The following SOX5 variants were observed in gnomAD, a reference collection of about 807,000 sequenced individuals.
The protein encoded by SOX5 is transcription factor SOX-5.
Under a neutral mutation model 92.0 loss-of-function variants are expected in SOX5, and 9 were observed. The observed-to-expected ratio is 0.10, with a 90% CI of 0.06 to 0.17. The LOEUF is 0.17. Ranked by LOEUF, SOX5 falls within the 10% of genes least tolerant of loss-of-function variation. The pLI is 1.00. For missense variants in SOX5, 642 were observed against 944.5 expected (o/e 0.68, Z 4.20); for synonymous variants, 344 against 336.3 (o/e 1.02, Z -0.25).
chr12:24,484,011 C>T (rs1158506784), intron 1 of SOX5, among the ~76,000 whole-genome samples: 1 of 152,120 alleles, frequency 6.6e-6, no homozygotes, highest in African/African-American at 2.4e-5. Flanking sequence ...GTATATGCTG[C>T]TGACTTAAAA....
At chr12:23,718,993 T>C (rs2092664822) in intron 6 of SOX5, among the ~76,000 whole-genome samples, 2 of 152,188 alleles carry the variant, frequency 1.3e-5, no homozygotes, top group Admixed American at 1.3e-4. Flanking sequence ...CAGAAGCCAT[T>C]AAAAATCTCA....
At chr12:23,898,190 G>A (rs546270906) in intron 1 of SOX5, among the ~76,000 whole-genome samples, 1 of 152,294 alleles carries the variant, frequency 6.6e-6, no homozygotes, top group South Asian at 2.1e-4. Flanking sequence ...TTTGTGAAGT[G>A]ATTTATTAAA....
At chr12:23,545,035 T>C (rs1033799954) in intron 12 of SOX5, among the ~76,000 whole-genome samples, 2 of 152,212 alleles carry the variant, frequency 1.3e-5, no homozygotes, top group African/African-American at 4.8e-5. Flanking sequence ...TTTGCAACAT[T>C]AGACCCAGAA....
chr12:23,950,382 T>C (rs1340528457), upstream of SOX5, among the ~76,000 whole-genome samples: 1 of 152,006 alleles, frequency 6.6e-6, no homozygotes, highest in Non-Finnish European at 1.5e-5. Flanking sequence ...TGTAAACAAC[T>C]TGTCACTCAC....
chr12:24,398,827 T>C (rs1960744360), intron 1 of SOX5, among the ~76,000 whole-genome samples: 1 of 152,046 alleles, frequency 6.6e-6, no homozygotes, highest in South Asian at 2.1e-4. Flanking sequence ...TCAAACCTAG[T>C]TTCACTCCCG....
intron 1 of SOX5, among the ~76,000 whole-genome samples, chr12:24,503,354 T>A (rs1233458203): frequency 6.6e-6 from 1 of 152,220 alleles, no homozygotes; most frequent in Non-Finnish European, 1.5e-5. Flanking sequence ...CAATGACGCA[T>A]GACCACATCT....
At chr12:23,754,196 G>A (rs147718317) in intron 4 of SOX5, among the ~76,000 whole-genome samples, 19 of 151,748 alleles carry the variant, frequency 1.3e-4, no homozygotes, top group African/African-American at 4.1e-4. Context: ...AGTTTGACTT[G>A]TGAAGGAAAA....
intron 8 of SOX5, among the ~76,000 whole-genome samples, chr12:23,634,456 T>C (rs902744867): frequency 6.6e-6 from 1 of 151,958 alleles, no homozygotes; most frequent in Non-Finnish European, 1.5e-5. Context: ...GTGAAAGAAT[T>C]AGCCTTCCAT....
At chr12:24,074,693 C>G (rs1327809595) in intron 4 of SOX5, among the ~76,000 whole-genome samples, 2 of 106,496 alleles carry the variant, frequency 1.9e-5, no homozygotes, top group Non-Finnish European at 3.9e-5. Context: ...TTCACATGAA[C>G]AAAATTTGTA....
chr12:23,542,891 G>A (rs1289369515), intron 13 of SOX5, among the ~76,000 whole-genome samples: 2 of 152,172 alleles, frequency 1.3e-5, no homozygotes, highest in Non-Finnish European at 2.9e-5. Context: ...CAAATGATCA[G>A]TAGCAATATC....
At chr12:23,847,580 T>G (rs1487236854) in intron 2 of SOX5, among the ~76,000 whole-genome samples, 5 of 152,140 alleles carry the variant, frequency 3.3e-5, no homozygotes, top group Non-Finnish European at 1.5e-5. Flanking sequence ...AATATGTTTT[T>G]TTTTGTTGTT....
rs747562605 is a variant in SOX5 at position 24,093,522 on chromosome 12, C to CAAA, written c.-2+119818_-2+119820dup. On this transcript the variant is annotated intron_variant, in intron 4 of 4. Transcript: ENST00000446891. Reference sequence around the variant, plus strand: ...TGGGCGACAGGGCAAGACTCCGTCTCAAAAAAAAAAAAACAAAAACAAAAA... The same window carrying CAAA: ...TGGGCGACAGGGCAAGACTCCGTCTCAAAAAAAAAAAAAAAACAAAAACAAAAA... Among the ~76,000 whole-genome samples, 71 of 118,902 alleles carry CAAA rather than the reference C, an allele frequency of 6.0e-4. No individual in the cohort carries two copies. The South Asian group carries it at 0.014, about 24-fold the overall frequency. The allele number at this position is 118,902 out of a possible 152,430, so 78.0% of individuals were successfully genotyped here. A position where few individuals can be genotyped will look rare whatever the true frequency, so the allele number is the denominator to read the frequency against.
At chr12:24,009,713 T>C (rs561241642) in intron 4 of SOX5, among the ~76,000 whole-genome samples, 5 of 152,160 alleles carry the variant, frequency 3.3e-5, no homozygotes, top group Non-Finnish European at 7.3e-5. Flanking sequence ...AGATGGCCTG[T>C]GGTATTTAGT....
chr12:24,178,313 T>G (rs887844435), intron 4 of SOX5, among the ~76,000 whole-genome samples: 1 of 151,598 alleles, frequency 6.6e-6, no homozygotes, highest in African/African-American at 2.4e-5. Context: ...CTATTGTTCT[T>G]TGGTGAAAAT....
intron 1 of SOX5, among the ~76,000 whole-genome samples, chr12:24,392,415 C>A (rs1017444007): frequency 4.6e-5 from 7 of 152,136 alleles, no homozygotes; most frequent in Non-Finnish European, 7.3e-5. Flanking sequence ...TTTAACTACT[C>A]TAGCTTTCTT....
chr12:23,761,360 A>G (rs765809378), intron 3 of SOX5, among the ~76,000 whole-genome samples: 5 of 152,136 alleles, frequency 3.3e-5, no homozygotes, highest in Non-Finnish European at 5.9e-5. Context: ...ACAAATTTAT[A>G]TTTCCTCTCT....
intron 1 of SOX5, among the ~76,000 whole-genome samples, chr12:24,511,001 T>C (rs1949256012): frequency 6.6e-6 from 1 of 152,186 alleles, no homozygotes; most frequent in Non-Finnish European, 1.5e-5. Context: ...GCTTCACATA[T>C]GAGTATCTTT....
chr12:23,675,591 A>G (rs2085536790), intron 6 of SOX5, among the ~76,000 whole-genome samples: 2 of 152,188 alleles, frequency 1.3e-5, no homozygotes, highest in Non-Finnish European at 2.9e-5. Context: ...GACCTGAAAC[A>G]ATAAAAATCC....
chr12:23,702,583 G>C (rs1055720801), intron 6 of SOX5, among the ~76,000 whole-genome samples: 4 of 151,964 alleles, frequency 2.6e-5, no homozygotes, highest in African/African-American at 9.7e-5. Flanking sequence ...CTCTGGCCCT[G>C]GCATTGATTC....
Sources: allele counts gnomAD v4.1 joint callset (sites outside exome capture counted in the v4.1 genomes callset), GRCh38; gene constraint gnomAD v4.1.1; transcripts MANE v1.5; gene names NCBI Gene and HGNC (gene_info 2026-07-23, HGNC 2026-07-21).